Variants in IQCM observed in about 807,000 individuals in gnomAD.
The protein encoded by IQCM is IQ motif containing M, also known as IQ domain-containing protein M.
IQCM carries 45 observed loss-of-function variants against 57.6 expected under a neutral mutation model. The observed-to-expected ratio is 0.78, with a 90% confidence interval of 0.62 to 1.00. The LOEUF is 1.00. IQCM is among the 50% of genes least tolerant of loss of function. The pLI is 0.00. For missense variants in IQCM, 468 were observed against 511.6 expected (o/e 0.91, Z 0.82); for synonymous variants, 148 against 158.9 (o/e 0.93, Z 0.51).
intron 13 of IQCM, among the ~76,000 whole-genome samples, chr4:149,416,044 A>G (rs1733724017): frequency 1.3e-5 from 2 of 152,308 alleles, no homozygotes; most frequent in Middle Eastern, 3.4e-3. Flanking sequence ...TAGAACTTAA[A>G]GTATAATTTT....
chr4:149,700,076 G>A (rs568825668), intron 5 of IQCM, among the ~76,000 whole-genome samples: 18 of 152,102 alleles, frequency 1.2e-4, no homozygotes, highest in African/African-American at 2.9e-4. Context: ...CAAAGAGGAC[G>A]GAGGCATGGG....
chr4:149,556,844 C>T (rs1749634655), intron 10 of IQCM, among the ~76,000 whole-genome samples: 1 of 152,120 alleles, frequency 6.6e-6, no homozygotes. Flanking sequence ...GTTCCTCTTG[C>T]CCTCTTTCAG....
chr4:149,711,682 A>C (rs1430028108), intron 5 of IQCM, among the ~76,000 whole-genome samples: 1 of 143,904 alleles, frequency 6.9e-6, no homozygotes, highest in African/African-American at 2.4e-5. Flanking sequence ...TCATAAAATA[A>C]AAAAGCAAAG....
chr4:149,544,878 A>G (rs1261935040), intron 12 of IQCM, among the ~76,000 whole-genome samples: 1 of 152,224 alleles, frequency 6.6e-6, no homozygotes, highest in Non-Finnish European at 1.5e-5. Context: ...ATTTAACACC[A>G]TATTTAAAAA....
Position 149,609,729 on chromosome 4 carries a change from C to T in IQCM, c.681+11400G>A, listed in dbSNP as rs532289430. 2.0e-5 allele frequency among the ~76,000 whole-genome samples: 3 copies of T among 151,940 alleles called. 1 individual carries two copies. In the East Asian group the frequency reaches 5.8e-4, roughly 29 times the overall value. On this transcript the variant is annotated intron_variant, in intron 8 of 13. Transcript: ENST00000636793. ...CTCAACAAACTCGGTATAGGGGGAA[C>T]ATACCTCAACATAACAAAAGCCATA...
At chr4:149,478,511 A>T (rs1740446414) in intron 12 of IQCM, among the ~76,000 whole-genome samples, 1 of 152,172 alleles carries the variant, frequency 6.6e-6, no homozygotes, top group South Asian at 2.1e-4. Flanking sequence ...AGTGAGAGGG[A>T]TATGCTTTCC....
At chr4:149,528,224 G>A (rs527630865) in intron 12 of IQCM, among the ~76,000 whole-genome samples, 3 of 152,056 alleles carry the variant, frequency 2.0e-5, no homozygotes, top group South Asian at 2.1e-4. Context: ...GACCTCAGAC[G>A]ATCCACCCAC....
At chr4:149,764,127 G>A (rs1427628012) in intron 2 of IQCM, among the ~76,000 whole-genome samples, 2 of 152,092 alleles carry the variant, frequency 1.3e-5, no homozygotes, top group Non-Finnish European at 2.9e-5. Flanking sequence ...ACAAAAACTG[G>A]TGCTTGGATA....
chr4:149,430,668 A>G (rs947090926), intron 13 of IQCM, among the ~76,000 whole-genome samples: 1 of 151,992 alleles, frequency 6.6e-6, no homozygotes, highest in Non-Finnish European at 1.5e-5. Context: ...CGTTATATGT[A>G]TCAAAGGTAT....
At chr4:149,570,557 T>A (rs1465878949) in intron 9 of IQCM, among the ~76,000 whole-genome samples, 1 of 152,064 alleles carries the variant, frequency 6.6e-6, no homozygotes, top group African/African-American at 2.4e-5. Flanking sequence ...AATTGGATGA[T>A]TCCTAATTCC....
intron 13 of IQCM, among the ~76,000 whole-genome samples, chr4:149,412,355 A>T (rs1384902825): frequency 6.6e-6 from 1 of 152,118 alleles, no homozygotes; most frequent in Non-Finnish European, 1.5e-5. Flanking sequence ...TTTGACCATT[A>T]AAAAACCAAC....
At chr4:149,766,170 C>G (rs74832187) in intron 2 of IQCM, among the ~76,000 whole-genome samples, 1,902 of 152,178 alleles carry the variant, frequency 0.012, 46 homozygotes, top group African/African-American at 0.044. Context: ...GGCTGTAACA[C>G]TTATTGCTGT....
intron 12 of IQCM, among the ~76,000 whole-genome samples, chr4:149,481,696 G>GTTTTGTTTT (rs1553975367): frequency 3.0e-5 from 1 of 33,602 alleles, no homozygotes; most frequent in Non-Finnish European, 5.2e-5. Flanking sequence ...GATTCTTCCA[G>GTTTTGTTTT]TTTTGTTTTT....
At chr4:149,705,251 T>A (rs890658194) in intron 5 of IQCM, among the ~76,000 whole-genome samples, 1 of 147,758 alleles carries the variant, frequency 6.8e-6, no homozygotes, top group Non-Finnish European at 1.5e-5. Context: ...TTTATATATT[T>A]ATAAAAATAT....
Position 149,733,430 on chromosome 4 carries a change from C to G in IQCM, c.199G>C (p.Glu67Gln). 1.6e-6 allele frequency: 2 copies of G among 1,231,702 alleles called. No homozygotes were observed. Among genetic ancestry groups the G allele is most frequent in the African/African-American group, 1.6e-5 (1 of 64,454 alleles). The allele number at this position is 1,231,702 out of a possible 1,614,324, so 76.3% of individuals were successfully genotyped here. Residue 67 changes from glutamate to glutamine, a missense_variant, in exon 5 of 14, where the codon GAG (glutamate) becomes CAG (glutamine). Transcript: ENST00000636793. ...KPKSGKYIPL[E>Q]IDKKVTRDVV... ...TCACGTGTTACCTTTTTGTCAATCT[C>G]CAAAGGTATGTATTTGCCAGATTTC...
At chr4:149,433,157 C>T (rs1342634568) in intron 13 of IQCM, among the ~76,000 whole-genome samples, 2 of 151,942 alleles carry the variant, frequency 1.3e-5, no homozygotes, top group Non-Finnish European at 2.9e-5. Context: ...GAAAACAACC[C>T]AAATTTCCAT....
intron 12 of IQCM, among the ~76,000 whole-genome samples, chr4:149,481,705 T>TTTTTTTTTTTTTTTTTG (rs1740865566): frequency 1.5e-5 from 2 of 133,150 alleles, no homozygotes; most frequent in East Asian, 4.3e-4. Flanking sequence ...AGTTTTGTTT[T>TTTTTTTTTTTTTTTTTG]TTTTTTTTTT....
intron 13 of IQCM, among the ~76,000 whole-genome samples, chr4:149,401,496 T>C (rs1732617314): frequency 6.6e-6 from 1 of 151,786 alleles, no homozygotes; most frequent in South Asian, 2.1e-4. Flanking sequence ...GGACCATATA[T>C]GTTTGATCCA....
chr4:149,450,856 C>T (rs1737040968), intron 12 of IQCM, among the ~76,000 whole-genome samples: 1 of 151,722 alleles, frequency 6.6e-6, no homozygotes, highest in South Asian at 2.1e-4. Flanking sequence ...AATCCCACTG[C>T]TGGGTATATG....
Sources: allele counts gnomAD v4.1 joint callset (sites outside exome capture counted in the v4.1 genomes callset), GRCh38; gene constraint gnomAD v4.1.1; transcripts MANE v1.5; gene names NCBI Gene and HGNC (gene_info 2026-07-23, HGNC 2026-07-21).